The following DDX24 variants were observed in gnomAD, a reference collection of about 807,000 sequenced individuals.
DDX24 encodes DEAD-box helicase 24.
A neutral mutation model predicts 68.9 loss-of-function variants in DDX24; 24 were observed. The observed-to-expected ratio is 0.35, with a 90% confidence interval of 0.25 to 0.49. DDX24 has a LOEUF of 0.49. DDX24 is among the 20% of genes least tolerant of loss of function. The pLI, the probability that DDX24 is intolerant of heterozygous loss-of-function variation, is 0.99. For missense variants in DDX24, 989 were observed against 1,039.0 expected (o/e 0.95, Z 0.66); for synonymous variants, 395 against 385.2 (o/e 1.03, Z -0.30).
At chr14:94,059,684 A>G (rs543930269) in intron 5 of DDX24, among the ~76,000 whole-genome samples, 1 of 152,260 alleles carries the variant, frequency 6.6e-6, no homozygotes, top group African/African-American at 2.4e-5. Flanking sequence ...TAACTTGACC[A>G]CCTAAGGAGT....
rs142172379 is a variant in DDX24, at chr14:94,059,582, C to T, written c.1913+516G>A. 4.8e-3 allele frequency among the ~76,000 whole-genome samples: 738 copies of T among 152,302 alleles called. 4 individuals are homozygous for T. Among genetic ancestry groups the T allele is most frequent in the African/African-American group, 0.016 (679 of 41,558 alleles). ...TAGAGACTGTTCTAAACACTTTACA[C>T]GCATGAATTTACAATCAATCTTCAT... On this transcript the variant is annotated intron_variant, in intron 5 of 8. Transcript: ENST00000621632.
intron 8 of DDX24, among the ~76,000 whole-genome samples, chr14:94,052,741 G>C (rs58827825): frequency 0.045 from 6,888 of 152,268 alleles, 422 homozygotes; most frequent in African/African-American, 0.13. Context: ...CCTGGCCAGA[G>C]AGCCTGCTCC....
Position 94,051,267 on chromosome 14 carries a change from T to C in DDX24, c.2504A>G (p.Lys835Arg), listed in dbSNP as rs750899751. 32 of 1,606,428 alleles carry C rather than the reference T, an allele frequency of 2.0e-5. No homozygotes were observed. In the East Asian group the frequency reaches 4.0e-4, roughly 20 times the overall value. Residue 835 changes from lysine (K) to arginine (R), a missense_variant, in exon 9 of 9, where the codon AAG (lysine) becomes AGG (arginine). Around this residue, in one of 3 missense-constraint regions of DDX24, gnomAD observed 691 missense variants for 760.0 expected, o/e 0.91. Transcript: ENST00000621632. ...CTTCTTTGTCTTCTTCTTCTTCTGC[T>C]TGGAGAGACAGCTCAAAGCAGACTC... ...KSESALSCLS[K>R]QKKKKTKKPK... is the part of the protein sequence containing the mutation.
intron 7 of DDX24, among the ~76,000 whole-genome samples, chr14:94,053,801 C>A (rs1365560909): frequency 6.6e-6 from 1 of 151,732 alleles, no homozygotes; most frequent in African/African-American, 2.4e-5. Context: ...GCAACATGAG[C>A]AAAGCTCCGT....
At chr14:94,068,983 A>G (rs1438221995) in intron 2 of DDX24, among the ~76,000 whole-genome samples, 2 of 152,110 alleles carry the variant, frequency 1.3e-5, no homozygotes, top group East Asian at 3.9e-4. Context: ...CCAAACCCAA[A>G]CCCAGCAGAA....
chr14:94,074,870 C>T (rs1048319503), intron 2 of DDX24, among the ~76,000 whole-genome samples: 20 of 151,834 alleles, frequency 1.3e-4, no homozygotes, highest in African/African-American at 1.9e-4. Flanking sequence ...TACTTATTGG[C>T]GACAAACAAT....
intron 2 of DDX24, among the ~76,000 whole-genome samples, chr14:94,076,632 G>C (rs113011005): frequency 0.081 from 11,860 of 146,646 alleles, 491 homozygotes; most frequent in Middle Eastern, 0.2. Context: ...AGTGAGCCGA[G>C]ATTGGGCCAC....
At position 94,051,412 on chromosome 14, in the gene DDX24, C is replaced by T. The variant is rs771591025; in HGVS notation, c.2359G>A (p.Val787Ile). 5 of 1,593,758 alleles carry T rather than the reference C, an allele frequency of 3.1e-6. No individual in the cohort carries two copies. The Admixed American group carries it at 9.1e-5, about 29-fold the overall frequency. The change falls in exon 9 of 9, where the codon GTT becomes ATT. Residue 787 changes from valine to isoleucine, a missense_variant. Val to Ile is a conservative substitution (Grantham distance 29). Coordinates refer to ENST00000621632, the MANE Select transcript of DDX24 (RefSeq NM_020414.4). ...EERRRQKQMK[V>I]LKKELRHLLS... is the part of the protein sequence containing the mutation. ...AGGTGGCGCAGCTCCTTCTTCAGAA[C>T]CTTCATCTGCTTTTGTCTCCGACGT...
In DDX24 at chr14:94,049,095, C is replaced by G. The variant is rs1344908826; in HGVS notation, c.*2096G>C. 6.6e-6 allele frequency: 1 copy of G among 152,238 alleles called. No homozygotes were observed. The highest frequency in any genetic ancestry group is 2.4e-5 in the African/African-American group (1 of 41,444). The allele number at this position is 152,238 out of a possible 1,614,324, so 9.4% of individuals were successfully genotyped here. A position where few individuals can be genotyped will look rare whatever the true frequency, so the allele number is the denominator to read the frequency against. Reference sequence around the variant, plus strand: ...GCTCTGCCCACCAACTTCACCTTACCAGGCGAGAGTAGCACTGCTTGGAAG... The same window carrying G: ...GCTCTGCCCACCAACTTCACCTTACGAGGCGAGAGTAGCACTGCTTGGAAG... On this transcript the variant is annotated 3_prime_UTR_variant, in exon 9 of 9. Transcript: ENST00000621632.
rs779269352 is a variant in DDX24 at position 94,079,344 on chromosome 14, A to C, written c.399T>G (p.Val133=). ...PELEAQGDDM[V]CDDPEAGEMT... Reference sequence around the variant, plus strand: ...TCTCCCCAGCCTCCGGATCATCACAAACCATGTCATCTCCCTGGGCCTCCA... The same window carrying C: ...TCTCCCCAGCCTCCGGATCATCACACACCATGTCATCTCCCTGGGCCTCCA... Residue 133 remains valine (V), a synonymous_variant, in exon 2 of 9, where the codon GTT becomes GTG. Coordinates refer to ENST00000621632, the MANE Select transcript of DDX24 (RefSeq NM_020414.4). 6.2e-7 allele frequency: 1 copy of C among 1,613,828 alleles called. No individual in the cohort carries two copies. Among genetic ancestry groups the C allele is most frequent in the Admixed American group, 1.7e-5 (1 of 59,964 alleles).
At position 94,081,195 on chromosome 14, in the gene DDX24, C is replaced by CAGCAACTGCAGT. The variant is rs1886086791; in HGVS notation, c.-83_-82insACTGCAGTTGCT. 6.6e-6 allele frequency: 1 copy of CAGCAACTGCAGT among 152,318 alleles called. No individual in the cohort carries two copies. The highest frequency in any genetic ancestry group is 2.1e-4 in the South Asian group (1 of 4,836). 9.4% of individuals were successfully genotyped at this position (152,318 alleles called of 1,614,324 possible). A position where few individuals can be genotyped will look rare whatever the true frequency, so the allele number is the denominator to read the frequency against. ...AACCGCCGCTGTACCTCAGCTGCAG[C>CAGCAACTGCAGT]AGCAACTGCAGTTCCGGGGCGGGAC... On this transcript the variant is annotated 5_prime_UTR_variant, in exon 1 of 9. Transcript: ENST00000621632.
At chr14:94,054,710 C>T (rs981427849) in intron 7 of DDX24, among the ~76,000 whole-genome samples, 1 of 152,214 alleles carries the variant, frequency 6.6e-6, no homozygotes, top group African/African-American at 2.4e-5. Context: ...ACAGGATATC[C>T]AGACAGCCAT....
rs1359882597 is a variant in DDX24, at chr14:94,050,301, A to G, written c.*890T>C. The G allele has an allele frequency of 6.6e-6, 1 of 152,286 alleles. No individual in the cohort carries two copies. The highest frequency in any genetic ancestry group is 2.4e-5 in the African/African-American group (1 of 41,454). 9.4% of individuals were successfully genotyped at this position (152,286 alleles called of 1,614,324 possible). ...GAACACAGCATGGCAAGTGCTATGA[A>G]GAGGGTAAGCACGGGACACTAAGGG... On this transcript the variant is annotated 3_prime_UTR_variant, in exon 9 of 9. Transcript: ENST00000621632.
chr14:94,073,408 G>A (rs1885873184), intron 2 of DDX24, among the ~76,000 whole-genome samples: 2 of 151,986 alleles, frequency 1.3e-5, no homozygotes, highest in South Asian at 2.1e-4. Context: ...TCAAAGACAC[G>A]AACTGTCTGA....
intron 1 of DDX24, among the ~76,000 whole-genome samples, chr14:94,080,896 A>G (rs548547594): frequency 3.3e-5 from 5 of 152,028 alleles, no homozygotes; most frequent in East Asian, 3.9e-4. Flanking sequence ...AAACCGAGAA[A>G]CCGAGAAGCC....
At chr14:94,058,047 C>G in intron 5 of DDX24, 150 bp from the exon 6 acceptor site, 2 of 736,018 alleles carry the variant, frequency 2.7e-6, no homozygotes, top group South Asian at 2.0e-5. Context: ...AACTGAGGCT[C>G]GGAGAGATTA....
In DDX24 at chr14:94,062,361, C is replaced by T. The variant is rs754398666; in HGVS notation, c.979G>A (p.Asp327Asn). ...TCGTCACCAAAGAGCAACGCCTGGTCTGAGACAGTGCCTCCAGTCTTGGCT... is the reference window on the plus strand; with the variant it reads ...TCGTCACCAAAGAGCAACGCCTGGTTTGAGACAGTGCCTCCAGTCTTGGCT... ...ARAKTGGTVS[D>N]QALLFGDDDA... Residue 327 changes from aspartate to asparagine, a missense_variant, in exon 3 of 9, where the codon GAC (aspartate) becomes AAC (asparagine). By Grantham distance (23) the Asp-to-Asn change is conservative. Coordinates refer to ENST00000621632, the MANE Select transcript of DDX24 (RefSeq NM_020414.4). 2 of 1,614,262 alleles carry T rather than the reference C, an allele frequency of 1.2e-6. No individual in the cohort carries two copies. The highest frequency in any genetic ancestry group is 1.7e-6 in the Non-Finnish European group (2 of 1,180,052).
At chr14:94,057,532 C>T in intron 6 of DDX24, 1 of 371,988 alleles carries the variant, frequency 2.7e-6, no homozygotes. Flanking sequence ...ATCAGGGTAA[C>T]CAATTACATG....
Position 94,060,082 on chromosome 14 carries a change from G to T in DDX24, c.1913+16C>A, listed in dbSNP as rs906137780. 6.3e-7 allele frequency: 1 copy of T among 1,598,260 alleles called. No individual in the cohort carries two copies. The highest frequency in any genetic ancestry group is 1.3e-5 in the African/African-American group (1 of 74,510). ...ACTAACTAGAGGTTAAGCCTCTGGG[G>T]ACAGTCCTAACTTACTCTTCCAGAC... On this transcript the variant is annotated intron_variant, in intron 5 of 8. Coordinates refer to ENST00000621632, the MANE Select transcript of DDX24 (RefSeq NM_020414.4).
Sources: allele counts gnomAD v4.1 joint callset (sites outside exome capture counted in the v4.1 genomes callset), GRCh38; gene constraint gnomAD v4.1.1; regional missense constraint gnomAD v4.1.1; transcripts MANE v1.5; gene names NCBI Gene and HGNC (gene_info 2026-07-23, HGNC 2026-07-21).